SPATA7: variants seen among roughly 807,000 people sequenced by gnomAD.
The protein encoded by SPATA7 is spermatogenesis associated 7.
Under a neutral mutation model 51.8 loss-of-function variants are expected in SPATA7, and 43 were observed. The ratio of observed to expected loss-of-function variants is 0.83; its 90% CI spans 0.65 to 1.07. SPATA7 has a LOEUF of 1.07. SPATA7 is among the 50% of genes least tolerant of loss of function. The probability of loss-of-function intolerance (pLI) is 0.00; values close to 1 mark genes in which losing one functional copy is unlikely to be tolerated. For missense variants in SPATA7, 683 were observed against 701.3 expected (o/e 0.97, Z 0.30); for synonymous variants, 230 against 252.8 (o/e 0.91, Z 0.86).
intron 1 of SPATA7, among the ~76,000 whole-genome samples, chr14:88,386,997 G>C (rs1006816659): frequency 6.6e-6 from 1 of 152,132 alleles, no homozygotes; most frequent in Non-Finnish European, 1.5e-5. Context: ...TTAAACCCTT[G>C]CTATGTACTA....
intron 2 of SPATA7, among the ~76,000 whole-genome samples, chr14:88,392,434 C>T (rs544174511): frequency 1.3e-5 from 2 of 151,984 alleles, no homozygotes; most frequent in Admixed American, 1.3e-4. Flanking sequence ...GTTTTCACTT[C>T]GATTAAATGA....
intron 4 of SPATA7, among the ~76,000 whole-genome samples, chr14:88,404,584 G>C (rs1447335222): frequency 6.6e-6 from 1 of 152,088 alleles, no homozygotes; most frequent in Non-Finnish European, 1.5e-5. Context: ...AGGTGTGGTG[G>C]CATGCACCTG....
intron 6 of SPATA7, among the ~76,000 whole-genome samples, chr14:88,427,251 A>G (rs1217313571): frequency 6.6e-6 from 1 of 152,226 alleles, no homozygotes; most frequent in Admixed American, 6.5e-5. Context: ...CTGGCACAAG[A>G]TGAATGTTCA....
In SPATA7 at chr14:88,438,039, AT is replaced by A. The variant is rs757972260; in HGVS notation, c.1418del (p.Met473SerfsTer33). 3 of 1,614,134 alleles carry A rather than the reference AT, an allele frequency of 1.9e-6. No homozygotes were observed. The highest frequency in any genetic ancestry group is 2.5e-6 in the Non-Finnish European group (3 of 1,180,010). On this transcript the variant is annotated frameshift_variant, in exon 12 of 12. Coordinates refer to ENST00000393545, the MANE Select transcript of SPATA7 (RefSeq NM_018418.5). LOFTEE classifies it low-confidence loss of function (END_TRUNC). Reference protein sequence around the residue: ...ERQQYQKALDMLLSAPKDENE... With the variant: ...ERQQYQKALDXLLSAPKDENE... ...TCAACAATACCAAAAGGCTTTGGAT[AT>A]GTTATTGTCGGCACCAAAGGATGAG...
At chr14:88,453,511 C>T (rs754836523) in intron 3 of SPATA7, among the ~76,000 whole-genome samples, 2 of 152,114 alleles carry the variant, frequency 1.3e-5, no homozygotes, top group Non-Finnish European at 2.9e-5. Flanking sequence ...GCTGTATGGT[C>T]ACCAGTGAAT....
chr14:88,439,844 G>A (rs561783112), downstream of SPATA7, among the ~76,000 whole-genome samples: 3 of 152,120 alleles, frequency 2.0e-5, no homozygotes, highest in South Asian at 2.1e-4. Context: ...CTCCACTGTC[G>A]GAATCCCCAA....
chr14:88,470,080 T>C (rs1377733228), exon 5 of SPATA7: 1 of 1,604,290 alleles, frequency 6.2e-7, no homozygotes, highest in Admixed American at 1.7e-5. Context: ...AAAAAATTGA[T>C]GTGTGGGTAT....
At chr14:88,428,558 G>A (rs531626296) in intron 7 of SPATA7, 1 of 152,294 alleles carries the variant, frequency 6.6e-6, no homozygotes, top group East Asian at 1.9e-4. Context: ...AGGATTATTA[G>A]GAGGAGTAAA....
chr14:88,438,768 G>A (rs995733263), downstream of SPATA7, among the ~76,000 whole-genome samples: 1 of 152,206 alleles, frequency 6.6e-6, no homozygotes, highest in East Asian at 1.9e-4. Context: ...GTGGCTAGAG[G>A]CTGCCTATAG....
intron 4 of SPATA7, among the ~76,000 whole-genome samples, chr14:88,460,968 G>C (rs2077313646): frequency 6.6e-6 from 1 of 152,226 alleles, no homozygotes; most frequent in Non-Finnish European, 1.5e-5. Flanking sequence ...GCTTGCTGGA[G>C]GTCCACTCCA....
rs1354073754 is a variant in SPATA7 at position 88,469,109 on chromosome 14, A to T, written c.255-738A>T. ...AAATCAATGAAATAGAAAAGTACTC[A>T]AGGATCAAGGCGTATCACATTGTTG... On this transcript the variant is annotated intron_variant, in intron 4 of 4. Coordinates refer to the SPATA7 transcript ENST00000556406. The surrounding 1 kb of genome is among the most constrained non-coding windows in gnomAD (Gnocchi z 4.3). 6.3e-7 allele frequency: 1 copy of T among 1,590,280 alleles called. No homozygotes were observed. Among genetic ancestry groups the T allele is most frequent in the Non-Finnish European group, 8.6e-7 (1 of 1,163,020 alleles).
At chr14:88,424,014 C>G (rs1210827719) in intron 5 of SPATA7, among the ~76,000 whole-genome samples, 1 of 152,152 alleles carries the variant, frequency 6.6e-6, no homozygotes, top group Non-Finnish European at 1.5e-5. Flanking sequence ...ATGGTTATTA[C>G]TTTACATAAA....
chr14:88,430,478 C>T (rs147280341), intron 8 of SPATA7, among the ~76,000 whole-genome samples: 4 of 152,130 alleles, frequency 2.6e-5, no homozygotes, highest in African/African-American at 9.6e-5. Context: ...GTTGAGTATA[C>T]CTGAATAAAA....
intron 4 of SPATA7, chr14:88,467,982 T>C: frequency 1.0e-6 from 1 of 978,796 alleles, no homozygotes; most frequent in Non-Finnish European, 1.6e-6. Flanking sequence ...CTTCGCACGT[T>C]TCCTTCAGCG....
In SPATA7 at chr14:88,438,210, A is replaced by G. The variant is rs947418827; in HGVS notation, c.1588A>G (p.Ser530Gly). 5 of 1,613,904 alleles carry G rather than the reference A, an allele frequency of 3.1e-6. No individual in the cohort carries two copies. Among genetic ancestry groups the G allele is most frequent in the Admixed American group, 1.7e-5 (1 of 59,982 alleles). Residue 530 changes from serine (S) to glycine (G), a missense_variant, in exon 12 of 12, where the codon AGT (serine) becomes GGT (glycine). Transcript: ENST00000393545. ...TGAAAATCATCCAAGTATTTCAGAC[A>G]GTTTAACAGATCGGGAAACTTCTGT... The part of the protein sequence containing the change: ...LDENHPSISD[S>G]LTDRETSVNV...
intron 4 of SPATA7, among the ~76,000 whole-genome samples, chr14:88,403,741 T>C (rs2076132511): frequency 6.6e-6 from 1 of 152,104 alleles, no homozygotes; most frequent in Non-Finnish European, 1.5e-5. Context: ...TGCCAGGGGC[T>C]ACAGGAAGGA....
chr14:88,411,665 C>A (rs1034511035), intron 4 of SPATA7, among the ~76,000 whole-genome samples: 1 of 152,062 alleles, frequency 6.6e-6, no homozygotes, highest in Non-Finnish European at 1.5e-5. Context: ...TGAGGCAACA[C>A]CACACCCTGC....
Position 88,454,950 on chromosome 14 carries a change from G to A in SPATA7, c.178-110G>A, listed in dbSNP as rs962758143. 8 of 393,064 alleles carry A rather than the reference G, an allele frequency of 2.0e-5. No homozygotes were observed. The Middle Eastern group carries it at 1.5e-3, about 72-fold the overall frequency. 24.3% of individuals were successfully genotyped at this position (393,064 alleles called of 1,614,324 possible). ...AGCAGTGGTTCTCAAACTTTAATGT[G>A]TATCAAAATCACCTGGAAAACTAAA... On this transcript the variant is annotated intron_variant, in intron 3 of 3. Transcript: ENST00000554802.
At chr14:88,414,215 T>C (rs1234704306) in intron 4 of SPATA7, among the ~76,000 whole-genome samples, 2 of 152,160 alleles carry the variant, frequency 1.3e-5, no homozygotes, top group African/African-American at 4.8e-5. Context: ...GTAGGTTTTT[T>C]TTATTACTGG....
Sources: allele counts gnomAD v4.1 joint callset (sites outside exome capture counted in the v4.1 genomes callset), GRCh38; gene constraint gnomAD v4.1.1; non-coding constraint Gnocchi (gnomAD v3.1); transcripts MANE v1.5; gene names NCBI Gene and HGNC (gene_info 2026-07-23, HGNC 2026-07-21).